The following CA8 variants were observed in gnomAD, a reference collection of about 807,000 sequenced individuals.
The protein encoded by CA8 is carbonic anhydrase 8 (inactive).
In CA8, 22 loss-of-function variants were observed where a neutral mutation model predicts 41.4. The ratio of observed to expected loss-of-function variants is 0.53; its 90% confidence interval spans 0.38 to 0.76. The LOEUF (loss-of-function observed/expected upper bound fraction) is 0.76, where lower values mean the gene tolerates loss of function less well. Among genes scored for constraint, CA8 ranks in the 30% least tolerant of loss-of-function variants. CA8 has a pLI of 0.00. For missense variants in CA8, 270 were observed against 352.8 expected (o/e 0.77, Z 1.88); for synonymous variants, 121 against 130.6 (o/e 0.93, Z 0.50).
chr8:60,200,328 T>A (rs1806387624), intron 8 of CA8, among the ~76,000 whole-genome samples: 1 of 152,206 alleles, frequency 6.6e-6, no homozygotes, highest in South Asian at 2.1e-4. Flanking sequence ...TGTAACCCTT[T>A]CCCTTCTTCG....
At chr8:60,230,502 T>A (rs1329952519) in intron 4 of CA8, among the ~76,000 whole-genome samples, 1 of 152,050 alleles carries the variant, frequency 6.6e-6, no homozygotes, top group African/African-American at 2.4e-5. Flanking sequence ...CTACTCAATG[T>A]CTCCGACCTC....
chr8:60,204,029 C>A (rs1453870341), intron 8 of CA8, among the ~76,000 whole-genome samples: 1 of 152,168 alleles, frequency 6.6e-6, no homozygotes, highest in Non-Finnish European at 1.5e-5. Flanking sequence ...CCTAAACCAC[C>A]TAGGAACCTC....
intron 8 of CA8, among the ~76,000 whole-genome samples, chr8:60,192,973 AC>A (rs2130376938): frequency 6.8e-6 from 1 of 146,214 alleles, no homozygotes; most frequent in Non-Finnish European, 1.5e-5. Context: ...ACACACACAC[AC>A]ACCCCACCCC....
At chr8:60,263,111 C>T (rs895598763) in intron 3 of CA8, among the ~76,000 whole-genome samples, 2 of 152,008 alleles carry the variant, frequency 1.3e-5, no homozygotes, top group African/African-American at 2.4e-5. Context: ...AAGGCTGAGA[C>T]GGGCAGATAA....
At chr8:60,271,882 GT>G (rs1472857536) in intron 2 of CA8, among the ~76,000 whole-genome samples, 4 of 147,718 alleles carry the variant, frequency 2.7e-5, no homozygotes, top group Admixed American at 1.4e-4. Flanking sequence ...TAATTTGCCT[GT>G]GTACCTTAAA....
chr8:60,199,063 G>T (rs1806353065), intron 8 of CA8, among the ~76,000 whole-genome samples: 1 of 143,008 alleles, frequency 7.0e-6, no homozygotes, highest in Admixed American at 7.0e-5. Context: ...TTCACAGGCT[G>T]CTAACAAAAG....
At chr8:60,231,285 G>A (rs1047682123) in intron 4 of CA8, among the ~76,000 whole-genome samples, 4 of 152,044 alleles carry the variant, frequency 2.6e-5, no homozygotes, top group African/African-American at 9.7e-5. Context: ...AAAATGTAAG[G>A]ATTTCCTTTA....
chr8:60,274,243 T>C (rs1337110419), intron 2 of CA8, among the ~76,000 whole-genome samples: 1 of 152,124 alleles, frequency 6.6e-6, no homozygotes, highest in East Asian at 1.9e-4. Flanking sequence ...AAAACATTTA[T>C]CTGCCCTCCC....
chr8:60,233,245 T>C (rs1366621821), intron 3 of CA8, among the ~76,000 whole-genome samples: 1 of 152,238 alleles, frequency 6.6e-6, no homozygotes, highest in Admixed American at 6.5e-5. Context: ...CGTCGCCTTA[T>C]TTTAAAATTA....
intron 3 of CA8, among the ~76,000 whole-genome samples, chr8:60,244,548 G>A (rs189699358): frequency 3.3e-5 from 5 of 152,132 alleles, no homozygotes; most frequent in South Asian, 4.2e-4. Context: ...CATGCACATA[G>A]AGCAATTTTA....
chr8:60,279,723 T>C lies in CA8; in HGVS notation c.258A>G (p.Gly86=). The C allele has an allele frequency of 6.2e-7, 1 of 1,614,202 alleles. No homozygotes were observed. The highest frequency in any genetic ancestry group is 8.5e-7 in the Non-Finnish European group (1 of 1,180,038). Residue 86 remains glycine, a synonymous_variant, in exon 2 of 9, where the codon GGA becomes GGG. Coordinates refer to ENST00000317995, the MANE Select transcript of CA8 (RefSeq NM_004056.6). ...ACTTCAGGATAACCTGAATGGTATGTCCATCATTGGTGACTTCACAGTCTC... is the reference window on the plus strand; with the variant it reads ...ACTTCAGGATAACCTGAATGGTATGCCCATCATTGGTGACTTCACAGTCTC... The part of the protein sequence containing the change: ...VCRDCEVTND[G]HTIQVILKSK...
intron 8 of CA8, among the ~76,000 whole-genome samples, chr8:60,197,213 G>A (rs2130387338): frequency 6.6e-6 from 1 of 152,056 alleles, no homozygotes; most frequent in East Asian, 1.9e-4. Flanking sequence ...TCAAATTTTG[G>A]CATATACTTA....
At chr8:60,200,749 C>T (rs927006470) in intron 8 of CA8, among the ~76,000 whole-genome samples, 1 of 152,164 alleles carries the variant, frequency 6.6e-6, no homozygotes, top group African/African-American at 2.4e-5. Context: ...CAATCCTCCC[C>T]ATCAATTCCA....
At chr8:60,213,249 C>T (rs570330977) in intron 7 of CA8, among the ~76,000 whole-genome samples, 5 of 152,254 alleles carry the variant, frequency 3.3e-5, no homozygotes, top group Admixed American at 2.0e-4. Flanking sequence ...CTGGTAACAC[C>T]GACGTCAACG....
At chr8:60,240,359 G>A (rs1807979090) in intron 3 of CA8, among the ~76,000 whole-genome samples, 1 of 152,174 alleles carries the variant, frequency 6.6e-6, no homozygotes, top group Non-Finnish European at 1.5e-5. Context: ...GTGGAGCAAG[G>A]CCAATCAGCC....
chr8:60,228,332 T>G (rs891552796), intron 4 of CA8, among the ~76,000 whole-genome samples: 27 of 152,262 alleles, frequency 1.8e-4, no homozygotes, highest in African/African-American at 6.3e-4. Flanking sequence ...CCTGAAATTT[T>G]AGGCAGAAAT....
intron 3 of CA8, among the ~76,000 whole-genome samples, chr8:60,244,716 T>C (rs1808163514): frequency 6.6e-6 from 1 of 152,212 alleles, no homozygotes; most frequent in African/African-American, 2.4e-5. Flanking sequence ...TTCAAACTAT[T>C]ACAATTTACA....
intron 4 of CA8, among the ~76,000 whole-genome samples, chr8:60,230,576 C>G (rs1437217856): frequency 6.6e-6 from 1 of 151,582 alleles, no homozygotes; most frequent in Non-Finnish European, 1.5e-5. Flanking sequence ...TCAGCCCATC[C>G]CTCCCTTCCC....
chr8:60,271,235 G>A (rs1804061621), intron 2 of CA8, among the ~76,000 whole-genome samples: 1 of 152,032 alleles, frequency 6.6e-6, no homozygotes, highest in Admixed American at 6.6e-5. Context: ...CCAGCTACCA[G>A]ACAGGCTGAG....
Sources: allele counts gnomAD v4.1 joint callset (sites outside exome capture counted in the v4.1 genomes callset), GRCh38; gene constraint gnomAD v4.1.1; transcripts MANE v1.5; gene names NCBI Gene and HGNC (gene_info 2026-07-23, HGNC 2026-07-21).